The following SOX5 variants were observed in gnomAD, a reference collection of about 807,000 sequenced individuals.
SOX5 encodes transcription factor SOX-5.
In SOX5, 9 loss-of-function variants were observed where a neutral mutation model predicts 92.0. The observed-to-expected ratio is 0.10, with a 90% CI of 0.06 to 0.17. The LOEUF (loss-of-function observed/expected upper bound fraction) is 0.17. SOX5 is among the 10% of genes least tolerant of loss of function. SOX5 has a pLI of 1.00. For missense variants in SOX5, 642 were observed against 944.5 expected (o/e 0.68, Z 4.20); for synonymous variants, 344 against 336.3 (o/e 1.02, Z -0.25).
At chr12:24,137,593 C>T (rs1950220056) in intron 4 of SOX5, among the ~76,000 whole-genome samples, 1 of 152,238 alleles carries the variant, frequency 6.6e-6, no homozygotes, top group Non-Finnish European at 1.5e-5. Flanking sequence ...AGTCACGCCA[C>T]TGCAATCCTG....
chr12:24,096,146 C>T (rs1014226995), intron 4 of SOX5, among the ~76,000 whole-genome samples: 3 of 152,064 alleles, frequency 2.0e-5, no homozygotes, highest in Non-Finnish European at 2.9e-5. Flanking sequence ...ACTTTAAGTT[C>T]TGGGGTACAT....
At chr12:24,513,374 CA>C (rs1417569020) in intron 1 of SOX5, among the ~76,000 whole-genome samples, 1 of 152,234 alleles carries the variant, frequency 6.6e-6, no homozygotes, top group Non-Finnish European at 1.5e-5. Context: ...TTCCTTCTAA[CA>C]AATGAAACCT....
intron 2 of SOX5, among the ~76,000 whole-genome samples, chr12:23,869,565 G>T (rs529609743): frequency 1.3e-5 from 2 of 152,206 alleles, no homozygotes; most frequent in South Asian, 4.1e-4. Context: ...ATCTGTACAT[G>T]TGTATTGGAT....
At chr12:24,481,543 T>C (rs1370034401) in intron 1 of SOX5, among the ~76,000 whole-genome samples, 1 of 152,142 alleles carries the variant, frequency 6.6e-6, no homozygotes, top group Non-Finnish European at 1.5e-5. Flanking sequence ...CATAAATATA[T>C]ATACTTACTA....
At chr12:24,044,921 T>C (rs1372327796) in intron 4 of SOX5, among the ~76,000 whole-genome samples, 1 of 152,196 alleles carries the variant, frequency 6.6e-6, no homozygotes, top group African/African-American at 2.4e-5. Context: ...AGCATTACAA[T>C]AAATGTAGCA....
intron 2 of SOX5, among the ~76,000 whole-genome samples, chr12:23,890,603 T>C (rs1197129591): frequency 1.3e-5 from 2 of 152,230 alleles, no homozygotes; most frequent in East Asian, 1.9e-4. Flanking sequence ...GCTTCTGATA[T>C]TGCTACTTGA....
intron 13 of SOX5, among the ~76,000 whole-genome samples, chr12:23,537,786 G>A (rs1410872477): frequency 1.3e-5 from 2 of 152,086 alleles, no homozygotes; most frequent in Non-Finnish European, 1.5e-5. Context: ...TAATGTGTCC[G>A]GAATTGGTGG....
At chr12:24,442,383 C>T (rs968540695) in intron 1 of SOX5, among the ~76,000 whole-genome samples, 4 of 152,062 alleles carry the variant, frequency 2.6e-5, no homozygotes, top group Non-Finnish European at 5.9e-5. Flanking sequence ...TCCCTGTATC[C>T]AAGAACATTA....
chr12:24,164,972 T>A (rs2139040833), intron 4 of SOX5, among the ~76,000 whole-genome samples: 1 of 152,178 alleles, frequency 6.6e-6, no homozygotes, highest in Middle Eastern at 3.4e-3. Flanking sequence ...GAAAGCAATA[T>A]AAAGTATGTT....
intron 1 of SOX5, among the ~76,000 whole-genome samples, chr12:24,515,309 T>A (rs1949682018): frequency 6.6e-6 from 1 of 152,212 alleles, no homozygotes; most frequent in Non-Finnish European, 1.5e-5. Flanking sequence ...GTTTGTTGGG[T>A]TACTATGAGA....
intron 6 of SOX5, among the ~76,000 whole-genome samples, chr12:23,708,070 TTAAG>T (rs2091630041): frequency 6.6e-6 from 1 of 152,030 alleles, no homozygotes; most frequent in Non-Finnish European, 1.5e-5. Flanking sequence ...AGAAAATGGC[TTAAG>T]TAAGTGTAAT....
intron 1 of SOX5, among the ~76,000 whole-genome samples, chr12:24,382,716 C>T (rs1474339207): frequency 1.3e-5 from 2 of 152,006 alleles, no homozygotes; most frequent in African/African-American, 2.4e-5. Flanking sequence ...CAGGAAATAG[C>T]GGAGGTGGTG....
At chr12:24,454,924 ACTCT>A (rs1184594076) in intron 1 of SOX5, among the ~76,000 whole-genome samples, 1 of 152,020 alleles carries the variant, frequency 6.6e-6, no homozygotes, top group Non-Finnish European at 1.5e-5. Flanking sequence ...AATCACTTTC[ACTCT>A]CTCTTCTTAG....
intron 4 of SOX5, among the ~76,000 whole-genome samples, chr12:24,120,145 C>T (rs534071344): frequency 4.6e-5 from 7 of 152,202 alleles, no homozygotes; most frequent in Admixed American, 2.6e-4. Flanking sequence ...ATGTATCTTT[C>T]GGTGAGCATA....
intron 7 of SOX5, among the ~76,000 whole-genome samples, chr12:23,651,391 T>C (rs1033035726): frequency 6.6e-6 from 1 of 152,058 alleles, no homozygotes. Flanking sequence ...GAAAACATTA[T>C]TGCAGAACAC....
At chr12:24,107,411 G>A (rs1466051052) in intron 4 of SOX5, among the ~76,000 whole-genome samples, 1 of 152,126 alleles carries the variant, frequency 6.6e-6, no homozygotes, top group Non-Finnish European at 1.5e-5. Context: ...AATGGGAAAG[G>A]GAATTTGTTT....
intron 4 of SOX5, among the ~76,000 whole-genome samples, chr12:24,155,422 T>C (rs1355863533): frequency 6.6e-6 from 1 of 152,162 alleles, no homozygotes; most frequent in African/African-American, 2.4e-5. Context: ...TTTTTTGACA[T>C]TGTTTCCATA....
intron 2 of SOX5, among the ~76,000 whole-genome samples, chr12:23,870,038 A>T (rs1268390506): frequency 6.6e-6 from 1 of 152,160 alleles, no homozygotes; most frequent in African/African-American, 2.4e-5. Flanking sequence ...ATGTCACTAC[A>T]TTAAAGGACA....
intron 2 of SOX5, among the ~76,000 whole-genome samples, chr12:24,340,360 G>C (rs1952437384): frequency 1.3e-5 from 2 of 152,220 alleles, no homozygotes; most frequent in South Asian, 4.1e-4. Context: ...CATGACAATA[G>C]TATGTCAAAG....
Sources: allele counts gnomAD v4.1 joint callset (sites outside exome capture counted in the v4.1 genomes callset), GRCh38; gene constraint gnomAD v4.1.1; transcripts MANE v1.5; gene names NCBI Gene and HGNC (gene_info 2026-07-23, HGNC 2026-07-21).